Variants in PATJ observed in about 807,000 individuals in gnomAD.
The protein encoded by PATJ is PATJ crumbs cell polarity complex component.
PATJ carries 190 observed loss-of-function variants against 224.9 expected under a neutral mutation model. That is an observed-to-expected ratio of 0.84 (90% confidence interval 0.75 to 0.95). PATJ has a LOEUF of 0.95. Ranked by LOEUF, PATJ falls within the 40% of genes least tolerant of loss-of-function variation. The probability of loss-of-function intolerance (pLI) is 0.00; values close to 1 mark genes in which losing one functional copy is unlikely to be tolerated. For missense variants in PATJ, 2,121 were observed against 2,270.3 expected, an observed-to-expected ratio of 0.93 and a Z score of 1.34; for synonymous variants, 769 against 820.3, an observed-to-expected ratio of 0.94 and a Z score of 1.07.
At chr1:62,013,680 A>G (rs1646587747) in intron 28 of PATJ, among the ~76,000 whole-genome samples, 1 of 152,256 alleles carries the variant, frequency 6.6e-6, no homozygotes. Flanking sequence ...ATTTAGAAAA[A>G]GCTTCTGGAA....
chr1:61,804,168 C>T (rs1653080477), intron 12 of PATJ, among the ~76,000 whole-genome samples: 2 of 152,068 alleles, frequency 1.3e-5, no homozygotes, highest in Non-Finnish European at 1.5e-5. Context: ...ATTTATGAGG[C>T]AAGATGTTAG....
intron 27 of PATJ, among the ~76,000 whole-genome samples, chr1:61,967,882 T>G (rs974854271): frequency 2.0e-5 from 3 of 152,194 alleles, no homozygotes; most frequent in African/African-American, 7.2e-5. Context: ...AAGCAATTGT[T>G]CACTGATTTG....
chr1:61,811,066 A>T (rs1654664818), intron 14 of PATJ, among the ~76,000 whole-genome samples: 1 of 152,306 alleles, frequency 6.6e-6, no homozygotes, highest in South Asian at 2.1e-4. Flanking sequence ...TTAGAAAATG[A>T]TCTAAAGTCC....
chr1:62,162,295 G>A lies in PATJ; in HGVS notation c.*1241G>A, dbSNP rs1023268494. 3 of 152,186 alleles carry A rather than the reference G, an allele frequency of 2.0e-5. No homozygotes were observed. Among genetic ancestry groups the A allele is most frequent in the African/African-American group, 7.2e-5 (3 of 41,450 alleles). The allele number at this position is 152,186 out of a possible 1,614,324, so 9.4% of individuals were successfully genotyped here. A position where few individuals can be genotyped will look rare whatever the true frequency, so the allele number is the denominator to read the frequency against. On this transcript the variant is annotated 3_prime_UTR_variant, in exon 44 of 44. Coordinates refer to ENST00000642238, the MANE Select transcript of PATJ (RefSeq NM_001350145.3). The stretch of plus-strand genomic sequence containing the variant: ...CAGAGATCAGCAAGTTTTGTCTCAA[G>A]TCAGACAAGGTCTAGGTGGCCTTGG...
intron 9 of PATJ, among the ~76,000 whole-genome samples, chr1:61,792,569 C>T (rs1329867449): frequency 1.3e-5 from 2 of 151,330 alleles, no homozygotes; most frequent in Non-Finnish European, 1.5e-5. Context: ...CTCGCTCTGT[C>T]GCCCAGGCTG....
chr1:61,885,338 C>A (rs939703361), intron 22 of PATJ, among the ~76,000 whole-genome samples: 33 of 152,206 alleles, frequency 2.2e-4, no homozygotes, highest in Non-Finnish European at 3.8e-4. Flanking sequence ...ACAAGAAAAA[C>A]ACAAACAACC....
At chr1:61,820,958 ATGATTTGG>A (rs1419093537) in intron 14 of PATJ, among the ~76,000 whole-genome samples, 1 of 150,600 alleles carries the variant, frequency 6.6e-6, no homozygotes, top group African/African-American at 2.4e-5. Flanking sequence ...ATCCATACCC[ATGATTTGG>A]TACAATGACA....
chr1:61,905,190 G>A (rs1671695987), intron 24 of PATJ, among the ~76,000 whole-genome samples: 1 of 152,232 alleles, frequency 6.6e-6, no homozygotes, highest in Admixed American at 6.5e-5. Context: ...TCAAGGCATT[G>A]GCAGATTTCA....
In PATJ at chr1:61,946,329, TAAAGA is replaced by T. The variant is rs1034056262; in HGVS notation, c.3670+18502_3670+18506del. Among the ~76,000 whole-genome samples the T allele has an allele frequency of 1.0e-3, 152 of 151,340 alleles. 1 individual carries two copies. The highest frequency in any genetic ancestry group is 3.5e-3 in the African/African-American group (146 of 41,174). ...ATTGATAGACCACTAGCAAGACTAATAAAGAAGAAAAGAGAGAAGAATCAAAGAGA... is the reference window on the plus strand; with the variant it reads ...ATTGATAGACCACTAGCAAGACTAATAGAAAAGAGAGAAGAATCAAAGAGA... On this transcript the variant is annotated intron_variant, in intron 27 of 43. Coordinates refer to ENST00000642238, the MANE Select transcript of PATJ (RefSeq NM_001350145.3).
At chr1:62,042,020 A>ATAC (rs1344007685) in intron 30 of PATJ, among the ~76,000 whole-genome samples, 1 of 152,010 alleles carries the variant, frequency 6.6e-6, no homozygotes, top group Non-Finnish European at 1.5e-5. Context: ...AATAATAATA[A>ATAC]TAAGAAAATA....
intron 14 of PATJ, among the ~76,000 whole-genome samples, chr1:61,813,078 T>C (rs1254547075): frequency 6.6e-6 from 1 of 151,888 alleles, no homozygotes; most frequent in Non-Finnish European, 1.5e-5. Context: ...CCTGCCCTGA[T>C]CAGGCTCCAT....
At chr1:61,797,451 A>C (rs201888926) in intron 11 of PATJ, 23 bp downstream of exon 11, 70 of 1,596,390 alleles carry the variant, frequency 4.4e-5, no homozygotes, top group Non-Finnish European at 1.2e-5. Flanking sequence ...CCACCCCTCT[A>C]TCCCTCAAGT....
At chr1:62,001,795 A>C (rs1401369092) in intron 28 of PATJ, among the ~76,000 whole-genome samples, 1 of 151,940 alleles carries the variant, frequency 6.6e-6, no homozygotes, top group Non-Finnish European at 1.5e-5. Flanking sequence ...TTTTCACGAT[A>C]TTGATTCTTC....
At chr1:62,026,480 G>C (rs1209570335) in intron 29 of PATJ, among the ~76,000 whole-genome samples, 1 of 117,220 alleles carries the variant, frequency 8.5e-6, no homozygotes, top group Non-Finnish European at 1.6e-5. Flanking sequence ...GTGTGTGTGT[G>C]TGTGTGTCTG....
At position 62,085,966 on chromosome 1, in the gene PATJ, T is replaced by G. The variant is rs1659920196; in HGVS notation, c.4377+1318T>G. Among the ~76,000 whole-genome samples, 3 of 152,044 alleles carry G rather than the reference T, an allele frequency of 2.0e-5. No homozygotes were observed. The South Asian group carries it at 6.2e-4, about 32-fold the overall frequency. ...ATTAGTGTTTCCTGGGATGATTGACTTTTTATTGTTTTTTATTTTTTTAAA... is the reference window on the plus strand; with the variant it reads ...ATTAGTGTTTCCTGGGATGATTGACGTTTTATTGTTTTTTATTTTTTTAAA... On this transcript the variant is annotated intron_variant, in intron 33 of 43. Transcript: ENST00000642238.
rs575461577 is a variant in PATJ, at chr1:61,812,009, C to G, written c.1683+3479C>G. Among the ~76,000 whole-genome samples, 3 of 151,298 alleles carry G rather than the reference C, an allele frequency of 2.0e-5. No homozygotes were observed. In the East Asian group the frequency reaches 5.8e-4, roughly 29 times the overall value. On this transcript the variant is annotated intron_variant, in intron 14 of 43. Transcript: ENST00000642238. The stretch of plus-strand genomic sequence containing the variant: ...CCGGGAGGCGGAGCTTGCAGTGAGC[C>G]GAGATCACGCCACTGCACTCCAGCC...
chr1:62,070,198 T>A (rs553827381), intron 31 of PATJ, among the ~76,000 whole-genome samples: 61 of 152,340 alleles, frequency 4.0e-4, no homozygotes, highest in African/African-American at 1.5e-3. Context: ...TAAGGCCATT[T>A]GATACACACT....
In PATJ at chr1:61,797,370, C is replaced by A; in HGVS notation, c.1344C>A (p.Thr448=). Reference sequence around the variant, plus strand: ...ATGCAGGGCAGGTGGTACACCTAACCCTAGTTCGAAGGAAGACATCCTCAT... The same window carrying A: ...ATGCAGGGCAGGTGGTACACCTAACACTAGTTCGAAGGAAGACATCCTCAT... The part of the protein sequence containing the change: ...LRNAGQVVHL[T]LVRRKTSSST... The change falls in exon 11 of 44, where the codon ACC becomes ACA. Residue 448 remains threonine (T), a synonymous_variant. Coordinates refer to ENST00000642238, the MANE Select transcript of PATJ (RefSeq NM_001350145.3). The A allele has an allele frequency of 6.2e-7, 1 of 1,613,862 alleles. No homozygotes were observed. Among genetic ancestry groups the A allele is most frequent in the Non-Finnish European group, 8.5e-7 (1 of 1,179,816 alleles).
chr1:61,751,573 C>G (rs1645330874), intron 1 of PATJ, among the ~76,000 whole-genome samples: 1 of 152,138 alleles, frequency 6.6e-6, no homozygotes, highest in African/African-American at 2.4e-5. Context: ...AGCCTGTAAT[C>G]CCAGCACTTT....
Sources: gnomAD v4.1 joint callset for allele counts (sites outside exome capture counted in the v4.1 genomes callset) on GRCh38, gnomAD v4.1.1 for gene constraint, MANE v1.5 for transcripts, NCBI Gene and HGNC (gene_info 2026-07-23, HGNC 2026-07-21) for gene names.